Variants in UGT1A9 observed in about 807,000 individuals in gnomAD.
The protein encoded by UGT1A9 is UDP glucuronosyltransferase family 1 member A9.
In UGT1A9, 35 loss-of-function variants were observed where a neutral mutation model predicts 45.0. That is an observed-to-expected ratio of 0.78 (90% CI 0.59 to 1.03). The LOEUF (loss-of-function observed/expected upper bound fraction) is 1.03, where lower values mean the gene tolerates loss of function less well. UGT1A9 is among the 50% of genes least tolerant of loss of function. The probability of loss-of-function intolerance (pLI) is 0.00; values close to 1 mark genes in which losing one functional copy is unlikely to be tolerated. For missense variants in UGT1A9, 687 were observed against 666.6 expected (o/e 1.03, Z -0.34); for synonymous variants, 278 against 250.6 (o/e 1.11, Z -1.03).
At chr2:233,691,877 G>A (rs948217573) in intron 1 of UGT1A9, 2 of 155,778 alleles carry the variant, frequency 1.3e-5, no homozygotes, top group Admixed American at 1.3e-4. Flanking sequence ...ATATATGTTT[G>A]TCTTTGTTTC....
chr2:233,755,338 G>A (rs569505432), intron 1 of UGT1A9: 1 of 431,822 alleles, frequency 2.3e-6, no homozygotes, highest in Non-Finnish European at 4.0e-6. Flanking sequence ...CCCGCGCACA[G>A]GTCAGAGGCT....
At chr2:233,684,119 C>G (rs2074663722) in intron 1 of UGT1A9, among the ~76,000 whole-genome samples, 1 of 152,158 alleles carries the variant, frequency 6.6e-6, no homozygotes, top group Non-Finnish European at 1.5e-5. Context: ...GTTCTGGCTT[C>G]TTACAAAGTT....
intron 1 of UGT1A9, among the ~76,000 whole-genome samples, chr2:233,709,536 G>C (rs1018378617): frequency 1.3e-5 from 2 of 152,044 alleles, no homozygotes; most frequent in Admixed American, 1.3e-4. Flanking sequence ...TTCCTACTGT[G>C]ATATATGTAA....
At chr2:233,747,789 T>C in intron 1 of UGT1A9, 4 of 1,613,572 alleles carry the variant, frequency 2.5e-6, no homozygotes, top group East Asian at 2.2e-5. Context: ...TCCTTCCTCC[T>C]ATATTCCTAA....
chr2:233,673,198 C>T (rs1158331466), intron 1 of UGT1A9, among the ~76,000 whole-genome samples: 1 of 152,126 alleles, frequency 6.6e-6, no homozygotes. Flanking sequence ...TAAATTCTCA[C>T]ACCTATTTTG....
At chr2:233,710,699 G>A (rs1196566997) in intron 1 of UGT1A9, among the ~76,000 whole-genome samples, 1 of 152,144 alleles carries the variant, frequency 6.6e-6, no homozygotes, top group Non-Finnish European at 1.5e-5. Context: ...CTGGTGTGTG[G>A]TGTCCTTTGT....
rs531220267 is a variant in UGT1A9, at chr2:233,732,395, C to A, written c.856-34639C>A. On this transcript the variant is annotated intron_variant, in intron 1 of 4. Coordinates refer to ENST00000354728, the MANE Select transcript of UGT1A9 (RefSeq NM_021027.3). ...CTATGTCTTCTAGGCCATGCCTATGCCTAAATGATATTGCCTAGGTTTTCT... is the reference window on the plus strand; with the variant it reads ...CTATGTCTTCTAGGCCATGCCTATGACTAAATGATATTGCCTAGGTTTTCT... Among the ~76,000 whole-genome samples, 4 of 152,284 alleles carry A rather than the reference C, an allele frequency of 2.6e-5. No individual in the cohort carries two copies. The East Asian group carries it at 7.7e-4, about 29-fold the overall frequency.
At position 233,725,077 on chromosome 2, in the gene UGT1A9, C is replaced by G. The variant is rs1449718817; in HGVS notation, c.856-41957C>G. On this transcript the variant is annotated intron_variant, in intron 1 of 4. Coordinates refer to ENST00000354728, the MANE Select transcript of UGT1A9 (RefSeq NM_021027.3). ...CGGCGCGCGCCTGCAATCGCAGGCACTCGGCAGGCTGAGGCAGGAGAATCA... is the reference window on the plus strand; with the variant it reads ...CGGCGCGCGCCTGCAATCGCAGGCAGTCGGCAGGCTGAGGCAGGAGAATCA... Among the ~76,000 whole-genome samples, 16 of 140,498 alleles carry G rather than the reference C, an allele frequency of 1.1e-4. 1 individual carries two copies. The highest frequency in any genetic ancestry group is 4.2e-4 in the African/African-American group (16 of 38,284). The allele number at this position is 140,498 out of a possible 152,430, so 92.2% of individuals were successfully genotyped here.
chr2:233,713,722 C>G lies in UGT1A9; in HGVS notation c.855+40933C>G, dbSNP rs549143838. 2.4e-5 allele frequency: 39 copies of G among 1,613,948 alleles called. No individual in the cohort carries two copies. In the South Asian group the frequency reaches 4.2e-4, roughly 17 times the overall value. On this transcript the variant is annotated intron_variant, in intron 1 of 4. Transcript: ENST00000354728. Reference sequence around the variant, plus strand: ...TCTGAGCTTTTTCAGAGAGAGGTGTCAGTGGTGGATCTTGTCAGCCATGCA... The same window carrying G: ...TCTGAGCTTTTTCAGAGAGAGGTGTGAGTGGTGGATCTTGTCAGCCATGCA...
chr2:233,754,498 C>T, intron 1 of UGT1A9: 1 of 356,952 alleles, frequency 2.8e-6, no homozygotes, highest in South Asian at 2.1e-5. Context: ...TAAAAAAAGT[C>T]CGCTATTCCT....
intron 1 of UGT1A9, among the ~76,000 whole-genome samples, chr2:233,739,383 G>A (rs1385341432): frequency 6.6e-6 from 1 of 152,210 alleles, no homozygotes; most frequent in South Asian, 2.1e-4. Context: ...GTGCCTGGAA[G>A]AGCCACAGAC....
intron 1 of UGT1A9, chr2:233,729,991 C>T (rs770784414): frequency 6.2e-6 from 10 of 1,613,902 alleles, no homozygotes; most frequent in Admixed American, 1.7e-5. Flanking sequence ...GCCACTATCT[C>T]AGGTCTGTAT....
At position 233,760,569 on chromosome 2, in the gene UGT1A9, T is replaced by C. The variant is rs146052898; in HGVS notation, c.856-6465T>C. On this transcript the variant is annotated intron_variant, in intron 1 of 4. Transcript: ENST00000354728. ...AGGATGTGAAAGAGTCTTTTGTTAGTCTCGGGCATAATGTTTTTGAGAATG... is the reference window on the plus strand; with the variant it reads ...AGGATGTGAAAGAGTCTTTTGTTAGCCTCGGGCATAATGTTTTTGAGAATG... 389 of 1,614,128 alleles carry C rather than the reference T, an allele frequency of 2.4e-4. No homozygotes were observed. The highest frequency in any genetic ancestry group is 3.1e-4 in the Non-Finnish European group (360 of 1,180,054).
chr2:233,678,122 C>A (rs1018092996), intron 1 of UGT1A9, among the ~76,000 whole-genome samples: 1 of 152,044 alleles, frequency 6.6e-6, no homozygotes, highest in African/African-American at 2.4e-5. Flanking sequence ...ATAGTGGGTA[C>A]TTTTGGGCAT....
chr2:233,768,483 T>A (rs373208475), intron 4 of UGT1A9, 44 bp downstream of exon 4: 16 of 1,586,602 alleles, frequency 1.0e-5, no homozygotes, highest in Non-Finnish European at 1.4e-5. Flanking sequence ...ATGGCATTCA[T>A]GATAAAATTG....
intron 1 of UGT1A9, among the ~76,000 whole-genome samples, chr2:233,703,952 G>A (rs1407087431): frequency 1.3e-5 from 2 of 151,648 alleles, no homozygotes; most frequent in African/African-American, 4.8e-5. Context: ...GTGCAGTGGT[G>A]TGATCTTGGC....
chr2:233,770,762 T>G (rs745553589), intron 4 of UGT1A9: 1 of 152,220 alleles, frequency 6.6e-6, no homozygotes, highest in Non-Finnish European at 1.5e-5. Flanking sequence ...AATATTACAT[T>G]ATAATAATGT....
chr2:233,751,263 C>A (rs1694683349), intron 1 of UGT1A9, among the ~76,000 whole-genome samples: 1 of 151,922 alleles, frequency 6.6e-6, no homozygotes, highest in African/African-American at 2.4e-5. Context: ...CCTGTAGCCC[C>A]CTTTTTTTGG....
rs45510694 is a variant in UGT1A9, at chr2:233,718,970, G to C, written c.855+46181G>C. ...TCAGCATGCGGGAGGCCTTGCGGGA[G>C]CTCCATGCCAGAGGCCACCAGGCGG... On this transcript the variant is annotated intron_variant, in intron 1 of 4. Coordinates refer to ENST00000354728, the MANE Select transcript of UGT1A9 (RefSeq NM_021027.3). 4.6e-4 allele frequency: 737 copies of C among 1,614,150 alleles called. 2 individuals are homozygous for C. Among genetic ancestry groups the C allele is most frequent in the Middle Eastern group, 3.8e-3 (23 of 6,058 alleles).
Sources: gnomAD v4.1 joint callset for allele counts (sites outside exome capture counted in the v4.1 genomes callset) on GRCh38, gnomAD v4.1.1 for gene constraint, MANE v1.5 for transcripts, NCBI Gene and HGNC (gene_info 2026-07-23, HGNC 2026-07-21) for gene names.